TNR: variants seen among roughly 807,000 people sequenced by gnomAD.
TNR encodes the protein tenascin R.
TNR carries 45 observed loss-of-function variants against 150.4 expected under a neutral mutation model. The observed-to-expected ratio is 0.30, with a 90% CI of 0.24 to 0.38. The LOEUF (loss-of-function observed/expected upper bound fraction) is 0.38. Among genes scored for constraint, TNR ranks in the 10% least tolerant of loss-of-function variants. TNR has a pLI of 1.00. For missense variants in TNR, 1,544 were observed against 1,759.1 expected, an observed-to-expected ratio of 0.88 and a Z score of 2.19; for synonymous variants, 687 against 678.4, an observed-to-expected ratio of 1.01 and a Z score of -0.20.
At chr1:175,522,972 A>T (rs1659703582) in intron 2 of TNR, among the ~76,000 whole-genome samples, 1 of 152,248 alleles carries the variant, frequency 6.6e-6, no homozygotes, top group Non-Finnish European at 1.5e-5. Flanking sequence ...AAGCAATTTC[A>T]GTAAGTACTT....
chr1:175,356,203 A>T, intron 16 of TNR, 116 bp downstream of exon 16: 1 of 1,396,488 alleles, frequency 7.2e-7, no homozygotes, highest in Non-Finnish European at 9.8e-7. Context: ...AAATAAGAAC[A>T]GCTCATAGCT....
At chr1:175,326,851 A>G (rs900666750) in intron 21 of TNR, among the ~76,000 whole-genome samples, 1 of 152,044 alleles carries the variant, frequency 6.6e-6, no homozygotes, top group East Asian at 1.9e-4. Flanking sequence ...TATTTTCAGT[A>G]GAGACGAGGT....
intron 18 of TNR, among the ~76,000 whole-genome samples, chr1:175,339,450 T>A (rs1228476995): frequency 2.0e-5 from 3 of 152,194 alleles, no homozygotes; most frequent in African/African-American, 7.2e-5. Flanking sequence ...TAGTTCCTGA[T>A]CCCACCTACC....
chr1:175,357,357 A>C (rs1480327380), intron 15 of TNR, among the ~76,000 whole-genome samples: 1 of 152,226 alleles, frequency 6.6e-6, no homozygotes, highest in East Asian at 1.9e-4. Context: ...CTTGGAAATT[A>C]TTTAATATTT....
intron 1 of TNR, among the ~76,000 whole-genome samples, chr1:175,554,151 T>C (rs1288010621): frequency 6.6e-6 from 1 of 152,156 alleles, no homozygotes; most frequent in Non-Finnish European, 1.5e-5. Context: ...TTGCTAAGTA[T>C]GGAGTGGAGT....
intron 1 of TNR, among the ~76,000 whole-genome samples, chr1:175,613,963 C>T (rs1201916373): frequency 6.6e-6 from 1 of 152,134 alleles, no homozygotes; most frequent in Non-Finnish European, 1.5e-5. Flanking sequence ...CAAATCCTAG[C>T]CCAGCCATTT....
rs535708127 is a variant in TNR at position 175,600,388 on chromosome 1, G to C, written c.-164-72019C>G. ...AAGTGATCTTCCATTGCAGTATGTG[G>C]AACAGTTCTGCAAACATAGTTTTGT... On this transcript the variant is annotated intron_variant, in intron 1 of 22. Transcript: ENST00000367674. 2.6e-5 allele frequency among the ~76,000 whole-genome samples: 4 copies of C among 152,300 alleles called. No individual in the cohort carries two copies. The South Asian group carries it at 8.3e-4, about 32-fold the overall frequency.
rs141029654 is a variant in TNR, at chr1:175,355,168, T to C, written c.3249+335A>G. 2.2e-3 allele frequency among the ~76,000 whole-genome samples: 342 copies of C among 152,294 alleles called. 2 individuals carry two copies. The highest frequency in any genetic ancestry group is 7.8e-3 in the African/African-American group (323 of 41,560). Reference sequence around the variant, plus strand: ...GAGTTTCCAATGTGCTTTGTGTCATTGTATTGGAAGCACCAGCACAACCCA... The same window carrying C: ...GAGTTTCCAATGTGCTTTGTGTCATCGTATTGGAAGCACCAGCACAACCCA... On this transcript the variant is annotated intron_variant, in intron 17 of 22. Coordinates refer to ENST00000367674, the MANE Select transcript of TNR (RefSeq NM_003285.3).
rs72727619 is a variant in TNR at position 175,737,094 on chromosome 1, G to A, written c.-165+6132C>T. ...CACAAAGTAGGCTCTGTTCCAAACA[G>A]ATTTGGTTGAAAACCAGCCCTGCCA... is the stretch of plus-strand genomic sequence containing the variant. On this transcript the variant is annotated intron_variant, in intron 1 of 22. Coordinates refer to ENST00000367674, the MANE Select transcript of TNR (RefSeq NM_003285.3). Among the ~76,000 whole-genome samples the A allele has an allele frequency of 5.8e-3, 884 of 152,286 alleles. 4 individuals carry two copies. Among genetic ancestry groups the A allele is most frequent in the Non-Finnish European group, 9.4e-3 (636 of 68,016 alleles).
chr1:175,424,454 C>T (rs74794079), intron 2 of TNR, among the ~76,000 whole-genome samples: 12,267 of 152,306 alleles, frequency 0.081, 661 homozygotes, highest in Non-Finnish European at 0.12. Flanking sequence ...AGGTGACCAG[C>T]TTCCTCTCCA....
At chr1:175,494,953 C>T (rs146212100) in intron 2 of TNR, among the ~76,000 whole-genome samples, 2 of 152,296 alleles carry the variant, frequency 1.3e-5, no homozygotes, top group African/African-American at 4.8e-5. Flanking sequence ...GAAAACGGGT[C>T]GGTCATGGTC....
intron 20 of TNR, among the ~76,000 whole-genome samples, chr1:175,332,319 G>A (rs1389925614): frequency 6.6e-6 from 1 of 152,196 alleles, no homozygotes; most frequent in Non-Finnish European, 1.5e-5. Context: ...GGATCACACT[G>A]AAGTGAGTCT....
chr1:175,461,682 A>G (rs1430383615), intron 2 of TNR, among the ~76,000 whole-genome samples: 1 of 152,146 alleles, frequency 6.6e-6, no homozygotes, highest in East Asian at 1.9e-4. Context: ...GCTTCTGCTC[A>G]CTATTTTTTT....
chr1:175,436,257 C>T (rs1340884041), intron 2 of TNR, among the ~76,000 whole-genome samples: 1 of 152,182 alleles, frequency 6.6e-6, no homozygotes, highest in Non-Finnish European at 1.5e-5. Context: ...CCATTCTCCC[C>T]GTCACTTTCA....
intron 1 of TNR, among the ~76,000 whole-genome samples, chr1:175,595,198 G>A (rs1662961979): frequency 6.6e-6 from 1 of 152,140 alleles, no homozygotes; most frequent in African/African-American, 2.4e-5. Context: ...AGGAATAATT[G>A]AATCATTGAT....
chr1:175,519,984 G>C lies in TNR; in HGVS notation c.-64+8285C>G, dbSNP rs115390783. 8.5e-3 allele frequency among the ~76,000 whole-genome samples: 1,290 copies of C among 152,302 alleles called. 15 individuals are homozygous for C. The highest frequency in any genetic ancestry group is 0.029 in the African/African-American group (1,224 of 41,556). ...TGTTCTTCCACTTACTAAGCTGTTT[G>C]AATTCATGCAAATTATTTAGCTTTC... is the stretch of plus-strand genomic sequence containing the variant. On this transcript the variant is annotated intron_variant, in intron 2 of 22. Transcript: ENST00000367674.
At chr1:175,726,327 G>C (rs1667478146) in intron 1 of TNR, among the ~76,000 whole-genome samples, 1 of 152,162 alleles carries the variant, frequency 6.6e-6, no homozygotes, top group Non-Finnish European at 1.5e-5. Flanking sequence ...CAATATATTT[G>C]GTGGGATCTT....
chr1:175,567,272 G>A (rs1014316937), intron 1 of TNR, among the ~76,000 whole-genome samples: 7 of 152,182 alleles, frequency 4.6e-5, no homozygotes, highest in African/African-American at 1.4e-4. Context: ...AAAAGGAAAG[G>A]TGGCCCATGT....
chr1:175,569,715 A>G (rs1203167585), intron 1 of TNR, among the ~76,000 whole-genome samples: 2 of 152,200 alleles, frequency 1.3e-5, no homozygotes, highest in Non-Finnish European at 2.9e-5. Context: ...AGTACTTATT[A>G]AGCACTTACT....
Sources: gnomAD v4.1 joint callset for allele counts (sites outside exome capture counted in the v4.1 genomes callset) on GRCh38, gnomAD v4.1.1 for gene constraint, MANE v1.5 for transcripts, NCBI Gene and HGNC (gene_info 2026-07-23, HGNC 2026-07-21) for gene names.